The following MDN1 variants were observed in gnomAD, a reference collection of about 807,000 sequenced individuals.
MDN1 encodes midasin.
Under a neutral mutation model 669.2 loss-of-function variants are expected in MDN1, and 266 were observed. That is an observed-to-expected ratio of 0.40 (90% confidence interval 0.36 to 0.44). The LOEUF is 0.44. Among genes scored for constraint, MDN1 ranks in the 20% least tolerant of loss-of-function variants. The pLI is 1.00. For missense variants in MDN1, 5,940 were observed against 6,754.0 expected, an observed-to-expected ratio of 0.88 and a Z score of 4.22; for synonymous variants, 2,385 against 2,457.1, an observed-to-expected ratio of 0.97 and a Z score of 0.87.
chr6:89,792,410 AAAC>A (rs1819316870), intron 5 of MDN1, among the ~76,000 whole-genome samples: 1 of 152,108 alleles, frequency 6.6e-6, no homozygotes, highest in East Asian at 1.9e-4. Flanking sequence ...CCCCACTGCT[AAAC>A]AACAGCAGGT....
intron 74 of MDN1, among the ~76,000 whole-genome samples, chr6:89,679,861 C>T (rs1003738763): frequency 3.3e-5 from 5 of 152,188 alleles, no homozygotes; most frequent in African/African-American, 4.8e-5. Context: ...CATCCTGCAG[C>T]GCATCCCCTC....
At position 89,670,630 on chromosome 6, in the gene MDN1, T is replaced by G. The variant is rs190862586; in HGVS notation, c.13956+289A>C. Among the ~76,000 whole-genome samples, 526 of 152,248 alleles carry G rather than the reference T, an allele frequency of 3.5e-3. 3 individuals carry two copies. The highest frequency in any genetic ancestry group is 6.4e-3 in the Non-Finnish European group (438 of 68,010). Reference sequence around the variant, plus strand: ...CATTGGGGATGGGAAGGGAAGGGTGTTAACAGACGGCAGCAGCTTTTAGAC... The same window carrying G: ...CATTGGGGATGGGAAGGGAAGGGTGGTAACAGACGGCAGCAGCTTTTAGAC... On this transcript the variant is annotated intron_variant, in intron 83 of 101. Coordinates refer to ENST00000369393, the MANE Select transcript of MDN1 (RefSeq NM_014611.3).
At chr6:89,675,731 G>A in intron 77 of MDN1, 152 bp from the exon 78 acceptor site, 2 of 622,216 alleles carry the variant, frequency 3.2e-6, no homozygotes, top group Non-Finnish European at 5.6e-6. Flanking sequence ...CTCCAATTAT[G>A]CTTGCACAGA....
At chr6:89,689,571 C>T (rs1263265947) in intron 65 of MDN1, among the ~76,000 whole-genome samples, 2 of 152,148 alleles carry the variant, frequency 1.3e-5, no homozygotes, top group East Asian at 1.9e-4. Flanking sequence ...AAAACACATA[C>T]ACGTACACAT....
chr6:89,658,615 G>A lies in MDN1; in HGVS notation c.15016C>T (p.Pro5006Ser). 6.2e-7 allele frequency: 1 copy of A among 1,606,142 alleles called. No homozygotes were observed. Among genetic ancestry groups the A allele is most frequent in the South Asian group, 1.1e-5 (1 of 90,814 alleles). Residue 5006 changes from proline to serine, a missense_variant, in exon 89 of 102, where the codon CCC becomes TCC. Pro to Ser is a moderately conservative substitution (Grantham distance 74, BLOSUM62 -1). Transcript: ENST00000369393. ...AGCCAGACATCTCATGATACCTGGGGCTGGAAACCTTGGTCAGCAGGGCCA... is the reference window on the plus strand; with the variant it reads ...AGCCAGACATCTCATGATACCTGGGACTGGAAACCTTGGTCAGCAGGGCCA... ...ENGPADQGFQPQEEEEREDSD... is the reference protein window; with the variant it reads ...ENGPADQGFQSQEEEEREDSD...
chr6:89,653,188 A>C (rs772593726), intron 93 of MDN1, 33 bp from the exon 94 acceptor site: 9 of 1,587,034 alleles, frequency 5.7e-6, no homozygotes, highest in Non-Finnish European at 6.0e-6. Flanking sequence ...TTTTACTTAT[A>C]ATATTAGCCT....
rs1004661860 is a variant in MDN1, at chr6:89,676,098, C to G, written c.12645+4G>C. The G allele has an allele frequency of 2.4e-5, 38 of 1,613,232 alleles. No individual in the cohort carries two copies. The highest frequency in any genetic ancestry group is 3.1e-5 in the Non-Finnish European group (36 of 1,179,248). On this transcript the variant is annotated splice_donor_region_variant and intron_variant, in intron 77 of 101. Coordinates refer to ENST00000369393, the MANE Select transcript of MDN1 (RefSeq NM_014611.3). Reference sequence around the variant, plus strand: ...CCTGCAAGACTCATGTTCTATCATTCTACCTTGGCAGGAGTTGCTAGTGCT... The same window carrying G: ...CCTGCAAGACTCATGTTCTATCATTGTACCTTGGCAGGAGTTGCTAGTGCT...
intron 44 of MDN1, 99 bp from the exon 45 acceptor site, chr6:89,715,868 C>A (rs1038980394): frequency 2.1e-5 from 16 of 776,204 alleles, no homozygotes; most frequent in Non-Finnish European, 3.2e-5. Context: ...ACTCACATTT[C>A]CTTTCGGCAC....
At chr6:89,785,600 T>C (rs1818914720) in intron 8 of MDN1, among the ~76,000 whole-genome samples, 1 of 152,184 alleles carries the variant, frequency 6.6e-6, no homozygotes, top group Non-Finnish European at 1.5e-5. Flanking sequence ...GGAAGGTACA[T>C]GCTTATGCAT....
rs1813006472 is a variant in MDN1, at chr6:89,699,662, T to C, written c.8936A>G (p.Tyr2979Cys). Residue 2979 changes from tyrosine to cysteine, a missense_variant, in exon 58 of 102, where the codon TAT (tyrosine) becomes TGT (cysteine). Tyr to Cys is a radical substitution (Grantham distance 194). Around this residue, in one of 5 missense-constraint regions of MDN1, gnomAD observed 2,292 missense variants for 2,638.3 expected, o/e 0.87. Coordinates refer to ENST00000369393, the MANE Select transcript of MDN1 (RefSeq NM_014611.3). ...CTCTTGAGGTGTAACAGGTGTGTGATAAAGACAAAATGAGATGAGGTGACT... is the reference window on the plus strand; with the variant it reads ...CTCTTGAGGTGTAACAGGTGTGTGACAAAGACAAAATGAGATGAGGTGACT... ...EISHLISFCL[Y>C]HTPVTPQELR... The C allele has an allele frequency of 3.7e-6, 6 of 1,613,932 alleles. No individual in the cohort carries two copies. The South Asian group carries it at 4.4e-5, about 12-fold the overall frequency.
chr6:89,782,856 C>T (rs1818753550), intron 9 of MDN1, among the ~76,000 whole-genome samples: 1 of 152,040 alleles, frequency 6.6e-6, no homozygotes, highest in Admixed American at 6.6e-5. Flanking sequence ...GCTGGAGCCA[C>T]GGCAGAGGAA....
At chr6:89,774,474 G>T in intron 13 of MDN1, 147 bp downstream of exon 13, 1 of 547,260 alleles carries the variant, frequency 1.8e-6, no homozygotes, top group South Asian at 2.5e-5. Context: ...AACATACTTT[G>T]GGAAAACACT....
chr6:89,748,896 C>CAA lies in MDN1; in HGVS notation c.3762+325_3762+326dup, dbSNP rs5878109. 3.4e-3 allele frequency among the ~76,000 whole-genome samples: 506 copies of CAA among 147,492 alleles called. 7 individuals carry two copies. Among genetic ancestry groups the CAA allele is most frequent in the African/African-American group, 0.012 (463 of 40,166 alleles). ...GCAACATGGCGAAACCTTGTCTCTA[C>CAA]AAAAAAAAAATGTAGCCGGGCATGA... On this transcript the variant is annotated intron_variant, in intron 26 of 101. Transcript: ENST00000369393.
intron 24 of MDN1, among the ~76,000 whole-genome samples, 197 bp from the exon 25 acceptor site, chr6:89,749,948 TC>T (rs1170609430): frequency 6.6e-6 from 1 of 152,152 alleles, no homozygotes; most frequent in East Asian, 1.9e-4. Flanking sequence ...GTCCCTTTTT[TC>T]CCCACAGAAA....
At chr6:89,777,415 G>A (rs764153073) in intron 11 of MDN1, among the ~76,000 whole-genome samples, 4 of 152,148 alleles carry the variant, frequency 2.6e-5, no homozygotes, top group Admixed American at 1.3e-4. Context: ...CCTAGGCATA[G>A]GCCAAGCTAA....
At chr6:89,652,801 A>G (rs557956045) in intron 94 of MDN1, among the ~76,000 whole-genome samples, 191 bp downstream of exon 94, 49 of 152,346 alleles carry the variant, frequency 3.2e-4, no homozygotes, top group African/African-American at 1.1e-3. Flanking sequence ...AATTGCTGGA[A>G]CAGTATCACG....
At position 89,683,301 on chromosome 6, in the gene MDN1, T is replaced by C; in HGVS notation, c.11933A>G (p.Glu3978Gly). The change falls in exon 73 of 102, where the codon GAA becomes GGA. Residue 3978 changes from glutamate (E) to glycine (G), a missense_variant. Transcript: ENST00000369393. ...RTLFKFMKKF[E>G]AVLSEPCRSS... is the part of the protein sequence containing the mutation. ...CCGGCAGGGTTCACTCAGGACTGCT[T>C]CAAATTTCTTCATGAATTTAAAGAG... The C allele has an allele frequency of 6.2e-7, 1 of 1,614,148 alleles. No homozygotes were observed. The highest frequency in any genetic ancestry group is 8.5e-7 in the Non-Finnish European group (1 of 1,180,014).
At chr6:89,710,370 A>T (rs1377693566) in intron 50 of MDN1, among the ~76,000 whole-genome samples, 1 of 152,098 alleles carries the variant, frequency 6.6e-6, no homozygotes, top group Non-Finnish European at 1.5e-5. Context: ...AAGCTGGAGG[A>T]TAAATGGATA....
rs765390351 is a variant in MDN1, at chr6:89,743,300, G to C, written c.4318-20C>G. 1.1e-5 allele frequency: 18 copies of C among 1,613,904 alleles called. No individual in the cohort carries two copies. In the South Asian group the frequency reaches 1.8e-4, roughly 16 times the overall value. On this transcript the variant is annotated intron_variant, in intron 30 of 101. Transcript: ENST00000369393. ...TTCTTCCTATAATTTGAAAAAGTGG[G>C]GAAAATTAAAGGGCAGGTGGCTCCA...
Sources: allele counts gnomAD v4.1 joint callset (sites outside exome capture counted in the v4.1 genomes callset), GRCh38; gene constraint gnomAD v4.1.1; regional missense constraint gnomAD v4.1.1; transcripts MANE v1.5; gene names NCBI Gene and HGNC (gene_info 2026-07-23, HGNC 2026-07-21).